STAB2: variants seen among roughly 807,000 people sequenced by gnomAD.
STAB2 encodes stabilin 2.
A neutral mutation model predicts 338.1 loss-of-function variants in STAB2; 288 were observed. That is an observed-to-expected ratio of 0.85 (90% CI 0.77 to 0.94). The LOEUF (loss-of-function observed/expected upper bound fraction) is 0.94. Among genes scored for constraint, STAB2 ranks in the 40% least tolerant of loss-of-function variants. The pLI is 0.00. For synonymous variants in STAB2, 1,202 were observed against 1,193.3 expected (o/e 1.01, Z -0.15); for missense variants, 3,141 against 3,210.1 (o/e 0.98, Z 0.52).
rs760056344 is a variant in STAB2, at chr12:103,594,505, G to A, written c.326G>A (p.Cys109Tyr). 6.2e-7 allele frequency: 1 copy of A among 1,611,674 alleles called. No individual in the cohort carries two copies. The highest frequency in any genetic ancestry group is 8.5e-7 in the Non-Finnish European group (1 of 1,177,864). Residue 109 changes from cysteine to tyrosine, a missense_variant, in exon 3 of 69, where the codon TGT (cysteine) becomes TAT (tyrosine). Cys to Tyr is a radical substitution (Grantham distance 194). Coordinates refer to ENST00000388887, the MANE Select transcript of STAB2 (RefSeq NM_017564.10). ...TGTCCTGGCCGCTGGGGCCCAGACT[G>A]TATAGGTAAGTGGCACAATGCTTGG... ...RCCPGRWGPD[C>Y]IECPGGAGSP...
At chr12:103,652,923 G>A (rs998297314) in intron 12 of STAB2, among the ~76,000 whole-genome samples, 2 of 152,224 alleles carry the variant, frequency 1.3e-5, no homozygotes, top group Non-Finnish European at 2.9e-5. Flanking sequence ...GGGTTACAAA[G>A]TGTTTGACTT....
intron 3 of STAB2, among the ~76,000 whole-genome samples, chr12:103,619,905 A>C (rs545523967): frequency 1.3e-5 from 2 of 152,226 alleles, no homozygotes; most frequent in African/African-American, 4.8e-5. Context: ...CCTTTTAAGC[A>C]TAGCCAATTC....
Position 103,682,201 on chromosome 12 carries a change from A to G in STAB2, c.2806-1004A>G, listed in dbSNP as rs149991668. Among the ~76,000 whole-genome samples the G allele has an allele frequency of 9.5e-4, 144 of 152,268 alleles. 2 individuals carry two copies. The highest frequency in any genetic ancestry group is 1.5e-3 in the Non-Finnish European group (105 of 68,040). ...GAGGGGGGTCTCTTTGTGGTGTTCTATAAGAAACAGAATGGATCAAAAACC... is the reference window on the plus strand; with the variant it reads ...GAGGGGGGTCTCTTTGTGGTGTTCTGTAAGAAACAGAATGGATCAAAAACC... On this transcript the variant is annotated intron_variant, in intron 25 of 68. Transcript: ENST00000388887.
chr12:103,735,684 A>G, intron 52 of STAB2, 104 bp downstream of exon 52: 1 of 977,072 alleles, frequency 1.0e-6, no homozygotes, highest in South Asian at 1.9e-5. Flanking sequence ...TTTCCCCTCC[A>G]TTCATAGCGG....
intron 37 of STAB2, among the ~76,000 whole-genome samples, chr12:103,706,568 C>T (rs574910944): frequency 2.6e-5 from 4 of 152,238 alleles, no homozygotes; most frequent in South Asian, 2.1e-4. Context: ...TCCTTTCCCT[C>T]TTTCCTACCT....
Position 103,648,690 on chromosome 12 carries a change from A to T in STAB2, c.1041A>T (p.Glu347Asp). Reference sequence around the variant, plus strand: ...GGATGTCTTTTCCCCCTCTCTGTAGATGCATTTGCCAGAAAGGTTACGTGG... The same window carrying T: ...GGATGTCTTTTCCCCCTCTCTGTAGTTGCATTTGCCAGAAAGGTTACGTGG... ...NCTTVAPGRTECICQKGYVGD... is the reference protein window; with the variant it reads ...NCTTVAPGRTDCICQKGYVGD... The change falls in exon 10 of 69, where the codon GAA becomes GAT. Residue 347 changes from glutamate to aspartate, a missense_variant and splice_region_variant. By Grantham distance (45) the Glu-to-Asp change is conservative. Transcript: ENST00000388887. 1.9e-6 allele frequency: 3 copies of T among 1,613,656 alleles called. No homozygotes were observed. The highest frequency in any genetic ancestry group is 2.5e-6 in the Non-Finnish European group (3 of 1,179,768).
At chr12:103,592,376 C>T (rs1956812694) in intron 2 of STAB2, 2 of 152,072 alleles carry the variant, frequency 1.3e-5, no homozygotes, top group Admixed American at 6.6e-5. Flanking sequence ...TGGTTATGTT[C>T]CAATACACAA....
rs1363736638 is a variant in STAB2, at chr12:103,666,297, T to C, written c.2029T>C (p.Cys677Arg). 6.2e-7 allele frequency: 1 copy of C among 1,614,066 alleles called. No homozygotes were observed. Among genetic ancestry groups the C allele is most frequent in the Admixed American group, 1.7e-5 (1 of 60,032 alleles). ...ETKREMKLGT[C>R]VSCSLVYWSR... is the part of the protein sequence containing the mutation. ...CTCCTGTCTCTCCCTCCAGGGCACT[T>C]GTGTGAGCTGTTCTCTGGTGTACTG... Residue 677 changes from cysteine (C) to arginine (R), a missense_variant, in exon 19 of 69, where the codon TGT becomes CGT. Cys to Arg is a radical substitution (Grantham distance 180, BLOSUM62 -3). Coordinates refer to ENST00000388887, the MANE Select transcript of STAB2 (RefSeq NM_017564.10).
At position 103,683,260 on chromosome 12, in the gene STAB2, T is replaced by C; in HGVS notation, c.2861T>C (p.Ile954Thr). ...FRGNGIDCEPITSCLEQTGKC... is the reference protein window; with the variant it reads ...FRGNGIDCEPTTSCLEQTGKC... ...GGAAATGGGATTGACTGTGAACCAA[T>C]AACTTCATGCTTGGAACAAACCGGG... The change falls in exon 26 of 69, where the codon ATA (isoleucine) becomes ACA (threonine). Residue 954 changes from isoleucine (I) to threonine (T), a missense_variant. By Grantham distance (89) the Ile-to-Thr change is moderately conservative. Transcript: ENST00000388887. 1 of 1,612,428 alleles carries C rather than the reference T, an allele frequency of 6.2e-7. No homozygotes were observed.
chr12:103,698,643 C>T (rs1878602606), intron 33 of STAB2, among the ~76,000 whole-genome samples: 1 of 152,124 alleles, frequency 6.6e-6, no homozygotes, highest in Non-Finnish European at 1.5e-5. Context: ...GGCAGCTCAC[C>T]AGCAGTCCCT....
chr12:103,597,520 A>T (rs998543334), intron 3 of STAB2, among the ~76,000 whole-genome samples: 3 of 152,232 alleles, frequency 2.0e-5, no homozygotes, highest in African/African-American at 7.2e-5. Context: ...GAAAAAAATT[A>T]CTATCATCTT....
intron 25 of STAB2, among the ~76,000 whole-genome samples, chr12:103,681,133 C>T (rs748114685): frequency 6.6e-6 from 1 of 152,236 alleles, no homozygotes; most frequent in African/African-American, 2.4e-5. Flanking sequence ...ATTTCTCTGA[C>T]AGCAGAGCCT....
At chr12:103,704,692 G>A in intron 36 of STAB2, 78 bp downstream of exon 36, 1 of 1,271,268 alleles carries the variant, frequency 7.9e-7, no homozygotes, top group South Asian at 1.3e-5. Context: ...TCAAGATTAT[G>A]TGATTTGCAC....
rs573600039 is a variant in STAB2 at position 103,621,466 on chromosome 12, C to T, written c.418-576C>T. ...TGCAAAACTGAGGTTGGGCAGGTGG[C>T]TCACGCCTGTAATCCCAGTACTTTG... On this transcript the variant is annotated intron_variant, in intron 4 of 68. Coordinates refer to ENST00000388887, the MANE Select transcript of STAB2 (RefSeq NM_017564.10). Among the ~76,000 whole-genome samples, 3 of 152,312 alleles carry T rather than the reference C, an allele frequency of 2.0e-5. No homozygotes were observed. In the East Asian group the frequency reaches 5.8e-4, roughly 29 times the overall value.
At position 103,749,066 on chromosome 12, in the gene STAB2, G is replaced by A. The variant is rs899102797; in HGVS notation, c.6348G>A (p.Gly2116=). The A allele has an allele frequency of 2.5e-6, 4 of 1,614,126 alleles. No homozygotes were observed. Among genetic ancestry groups the A allele is most frequent in the Non-Finnish European group, 3.4e-6 (4 of 1,180,026 alleles). Residue 2116 remains glycine (G), a synonymous_variant, in exon 59 of 69, where the codon GGG becomes GGA. Coordinates refer to ENST00000388887, the MANE Select transcript of STAB2 (RefSeq NM_017564.10). ...VSCSCQKGYK[G]DGHSCTEIDP... ...GCAGCTGCCAGAAGGGATACAAAGG[G>A]GACGGGCACAGCTGCACAGAGATAG...
intron 6 of STAB2, among the ~76,000 whole-genome samples, chr12:103,633,599 T>C (rs777132353): frequency 6.6e-6 from 1 of 152,088 alleles, no homozygotes; most frequent in Non-Finnish European, 1.5e-5. Context: ...GGAGAATCGC[T>C]CGAACCCGGG....
rs540413414 is a variant in STAB2 at position 103,706,960 on chromosome 12, G to A, written c.4165G>A (p.Gly1389Ser). The A allele has an allele frequency of 9.3e-6, 15 of 1,614,186 alleles. No homozygotes were observed. The highest frequency in any genetic ancestry group is 1.3e-5 in the African/African-American group (1 of 75,034). ...SGTACETCTE[G>S]KYGIHCDQAC... ...CACAGCCTGCGAGACCTGCACCGAG[G>A]GCAAGTACGGCATCCACTGTGACCA... is the stretch of plus-strand genomic sequence containing the variant. Residue 1389 changes from glycine to serine, a missense_variant, in exon 38 of 69, where the codon GGC becomes AGC. Transcript: ENST00000388887.
At chr12:103,733,257 G>A in intron 51 of STAB2, 75 bp downstream of exon 51, 2 of 1,544,850 alleles carry the variant, frequency 1.3e-6, no homozygotes, top group Non-Finnish European at 8.8e-7. Flanking sequence ...AAGGCATTGT[G>A]GCCTAGGAAC....
rs1234828433 is a variant in STAB2, at chr12:103,755,207, GT to G, written c.6715-91del. 6 of 1,526,916 alleles carry G rather than the reference GT, an allele frequency of 3.9e-6. No homozygotes were observed. In the African/African-American group the frequency reaches 6.8e-5, roughly 17 times the overall value. 94.6% of individuals were successfully genotyped at this position (1,526,916 alleles called of 1,614,324 possible). On this transcript the variant is annotated intron_variant, in intron 61 of 68. Transcript: ENST00000388887. ...CAATAGGCAAAGTGAGACTTTATGG[GT>G]TTTATGGCCTAATAGGGGAATCAGA...
Sources: gnomAD v4.1 joint callset for allele counts (sites outside exome capture counted in the v4.1 genomes callset) on GRCh38, gnomAD v4.1.1 for gene constraint, MANE v1.5 for transcripts, NCBI Gene and HGNC (gene_info 2026-07-23, HGNC 2026-07-21) for gene names.